The following PACRG variants were observed in gnomAD, a reference collection of about 807,000 sequenced individuals.
PACRG encodes parkin coregulated gene protein.
A neutral mutation model predicts 29.7 loss-of-function variants in PACRG; 29 were observed. The observed-to-expected ratio is 0.98, with a 90% confidence interval of 0.73 to 1.33. The LOEUF (loss-of-function observed/expected upper bound fraction) is 1.33. Ranked by LOEUF, PACRG falls within the 40% of genes most tolerant of loss-of-function variation. The probability of loss-of-function intolerance (pLI) is 0.00; values close to 1 mark genes in which losing one functional copy is unlikely to be tolerated. For synonymous variants in PACRG, 116 were observed against 118.7 expected, an observed-to-expected ratio of 0.98 and a Z score of 0.15; for missense variants, 279 against 316.2, an observed-to-expected ratio of 0.88 and a Z score of 0.89.
At chr6:163,250,629 G>A (rs1361529991) in intron 4 of PACRG, among the ~76,000 whole-genome samples, 1 of 152,064 alleles carries the variant, frequency 6.6e-6, no homozygotes. Flanking sequence ...ACTAGAAGTA[G>A]AACTACCATT....
At chr6:163,191,801 C>T (rs1780229352) in intron 4 of PACRG, 1 of 456,034 alleles carries the variant, frequency 2.2e-6, no homozygotes, top group Non-Finnish European at 4.4e-6. Flanking sequence ...CCATTTCCAG[C>T]CACCTTTTTT....
chr6:163,301,665 C>T (rs1458796426), intron 4 of PACRG, among the ~76,000 whole-genome samples: 6 of 152,102 alleles, frequency 3.9e-5, no homozygotes, highest in Non-Finnish European at 5.9e-5. Flanking sequence ...CACTCCATGG[C>T]GTTCTGTGGG....
At chr6:162,828,487 C>G (rs1162180936) in intron 2 of PACRG, among the ~76,000 whole-genome samples, 1 of 152,214 alleles carries the variant, frequency 6.6e-6, no homozygotes, top group African/African-American at 2.4e-5. Context: ...AGACCCTGCT[C>G]TGCTCTGGAA....
chr6:162,819,748 T>G (rs1787679628), intron 2 of PACRG, among the ~76,000 whole-genome samples: 1 of 152,250 alleles, frequency 6.6e-6, no homozygotes, highest in Admixed American at 6.5e-5. Flanking sequence ...TAGGCCTCAC[T>G]TTCCTTATCT....
chr6:163,085,572 T>C (rs529902039), intron 3 of PACRG, among the ~76,000 whole-genome samples: 10 of 152,326 alleles, frequency 6.6e-5, no homozygotes, highest in African/African-American at 2.4e-4. Context: ...CTACTATCTC[T>C]TGAATCCCCC....
At chr6:162,776,332 TCC>T (rs1266079640) in intron 1 of PACRG, among the ~76,000 whole-genome samples, 1 of 152,170 alleles carries the variant, frequency 6.6e-6, no homozygotes, top group East Asian at 1.9e-4. Flanking sequence ...CATCTTCGAC[TCC>T]CATCTGCCTG....
chr6:162,729,216 A>G (rs1374484779), intron 1 of PACRG, among the ~76,000 whole-genome samples: 1 of 152,210 alleles, frequency 6.6e-6, no homozygotes, highest in African/African-American at 2.4e-5. Flanking sequence ...CTACTGAGTA[A>G]GCAACTGTCT....
chr6:162,760,744 T>C (rs1232952707), intron 1 of PACRG, among the ~76,000 whole-genome samples: 2 of 152,100 alleles, frequency 1.3e-5, no homozygotes, highest in African/African-American at 4.8e-5. Context: ...TTTACCTCTT[T>C]TTCCCCAGGT....
chr6:162,761,403 A>G (rs1331059294), intron 1 of PACRG, among the ~76,000 whole-genome samples: 1 of 152,126 alleles, frequency 6.6e-6, no homozygotes, highest in Non-Finnish European at 1.5e-5. Flanking sequence ...AAGGCGCAGG[A>G]TCACGATTTA....
At chr6:163,095,799 T>A (rs1470453832) in intron 4 of PACRG, among the ~76,000 whole-genome samples, 2 of 152,204 alleles carry the variant, frequency 1.3e-5, no homozygotes, top group African/African-American at 4.8e-5. Context: ...TTATCTTAAC[T>A]ACTTTCATTG....
intron 1 of PACRG, among the ~76,000 whole-genome samples, chr6:162,735,538 C>A (rs1780097707): frequency 6.6e-6 from 1 of 152,102 alleles, no homozygotes; most frequent in Non-Finnish European, 1.5e-5. Flanking sequence ...TGGATATACT[C>A]TTTATTGAAG....
At chr6:163,169,265 G>C (rs972007404) in intron 4 of PACRG, among the ~76,000 whole-genome samples, 1 of 152,218 alleles carries the variant, frequency 6.6e-6, no homozygotes, top group African/African-American at 2.4e-5. Flanking sequence ...GGTTCATGGA[G>C]TCACATTTGA....
At chr6:162,939,471 A>G (rs1798463385) in intron 2 of PACRG, among the ~76,000 whole-genome samples, 1 of 152,190 alleles carries the variant, frequency 6.6e-6, no homozygotes, top group African/African-American at 2.4e-5. Flanking sequence ...CCCAGAGCCA[A>G]CCTGATGAGG....
chr6:163,101,178 T>G, intron 4 of PACRG: 2 of 979,174 alleles, frequency 2.0e-6, no homozygotes, highest in Non-Finnish European at 2.4e-6. Context: ...AAACCCTACA[T>G]TTCATCTTAA....
At chr6:162,742,269 G>A (rs1299422766) in intron 1 of PACRG, among the ~76,000 whole-genome samples, 1 of 152,108 alleles carries the variant, frequency 6.6e-6, no homozygotes, top group Non-Finnish European at 1.5e-5. Flanking sequence ...TATTCTCGTG[G>A]TAGTGAATAA....
chr6:163,315,058 C>T lies in PACRG; in HGVS notation c.*71C>T. ...CATCTGTCTCTGTTGCTTTTAGCATCTCATTCCTTGTGACTTCCACAGCTT... is the reference window on the plus strand; with the variant it reads ...CATCTGTCTCTGTTGCTTTTAGCATTTCATTCCTTGTGACTTCCACAGCTT... On this transcript the variant is annotated 3_prime_UTR_variant, in exon 5 of 5. Transcript: ENST00000366888. The T allele has an allele frequency of 6.6e-7, 1 of 1,513,166 alleles. No individual in the cohort carries two copies. Among genetic ancestry groups the T allele is most frequent in the South Asian group, 1.3e-5 (1 of 79,780 alleles). The allele number at this position is 1,513,166 out of a possible 1,614,324, so 93.7% of individuals were successfully genotyped here.
intron 2 of PACRG, among the ~76,000 whole-genome samples, chr6:162,947,267 T>C (rs1209380113): frequency 7.6e-6 from 1 of 131,436 alleles, no homozygotes; most frequent in Non-Finnish European, 1.6e-5. Flanking sequence ...ATATAATCTA[T>C]ATATAACCAT....
At chr6:163,277,541 GTA>G (rs1310102818) in intron 4 of PACRG, among the ~76,000 whole-genome samples, 2 of 146,520 alleles carry the variant, frequency 1.4e-5, no homozygotes, top group Non-Finnish European at 3.0e-5. Flanking sequence ...ACATATATGT[GTA>G]TATATGTGTA....
chr6:163,180,519 C>A (rs192204720), intron 4 of PACRG, among the ~76,000 whole-genome samples: 1 of 151,920 alleles, frequency 6.6e-6, no homozygotes, highest in African/African-American at 2.4e-5. Context: ...CCCAGCACTT[C>A]GGGAGGCTGA....
Sources: allele counts gnomAD v4.1 joint callset (sites outside exome capture counted in the v4.1 genomes callset), GRCh38; gene constraint gnomAD v4.1.1; transcripts MANE v1.5; gene names NCBI Gene and HGNC (gene_info 2026-07-23, HGNC 2026-07-21).